The following SGCZ variants were observed in gnomAD, a reference collection of about 807,000 sequenced individuals.
SGCZ encodes the protein zeta-sarcoglycan.
Under a neutral mutation model 41.3 loss-of-function variants are expected in SGCZ, and 40 were observed. The ratio of observed to expected loss-of-function variants is 0.97; its 90% CI spans 0.75 to 1.26. The LOEUF (loss-of-function observed/expected upper bound fraction) is 1.26, where lower values mean the gene tolerates loss of function less well. Among genes scored for constraint, SGCZ ranks in the 50% most tolerant of loss-of-function variants. The probability of loss-of-function intolerance (pLI) is 0.00; values close to 1 mark genes in which losing one functional copy is unlikely to be tolerated. For synonymous variants in SGCZ, 206 were observed against 137.5 expected (o/e 1.50, Z -3.49); for missense variants, 552 against 369.8 (o/e 1.49, Z -4.04).
chr8:14,809,571 T>C (rs1801676524), intron 1 of SGCZ, among the ~76,000 whole-genome samples: 2 of 152,200 alleles, frequency 1.3e-5, no homozygotes, highest in Non-Finnish European at 2.9e-5. Context: ...CAATGGTTGC[T>C]ATCAAATTAT....
chr8:14,373,233 C>A (rs910406781), intron 2 of SGCZ, among the ~76,000 whole-genome samples: 2 of 152,118 alleles, frequency 1.3e-5, no homozygotes, highest in African/African-American at 2.4e-5. Flanking sequence ...TAGCAACTGG[C>A]AAAAGACCGT....
intron 1 of SGCZ, among the ~76,000 whole-genome samples, chr8:15,119,331 G>A (rs1217906070): frequency 6.6e-6 from 1 of 151,912 alleles, no homozygotes; most frequent in Non-Finnish European, 1.5e-5. Context: ...AGCAATTTGA[G>A]GCCATCCTAG....
intron 1 of SGCZ, among the ~76,000 whole-genome samples, chr8:14,795,207 C>A (rs2130482071): frequency 6.6e-6 from 1 of 152,164 alleles, no homozygotes; most frequent in Non-Finnish European, 1.5e-5. Flanking sequence ...TATATTTGTT[C>A]CTTAGACAAT....
At chr8:14,749,836 A>T (rs554727403) in intron 1 of SGCZ, among the ~76,000 whole-genome samples, 1 of 152,312 alleles carries the variant, frequency 6.6e-6, no homozygotes, top group South Asian at 2.1e-4. Flanking sequence ...AATTAACTAA[A>T]CACATTTTAT....
chr8:14,402,855 A>G (rs1799115458), intron 2 of SGCZ, among the ~76,000 whole-genome samples: 1 of 149,558 alleles, frequency 6.7e-6, no homozygotes, highest in Non-Finnish European at 1.5e-5. Context: ...TGGGGATGGC[A>G]TTGAATCTGT....
chr8:15,181,596 T>C (rs1028910833), intron 1 of SGCZ, among the ~76,000 whole-genome samples: 1 of 152,170 alleles, frequency 6.6e-6, no homozygotes, highest in Non-Finnish European at 1.5e-5. Flanking sequence ...AACCATTATG[T>C]TGAAATATCA....
chr8:14,687,248 G>A (rs950216434), intron 1 of SGCZ, among the ~76,000 whole-genome samples: 3 of 149,604 alleles, frequency 2.0e-5, no homozygotes, highest in Admixed American at 1.3e-4. Flanking sequence ...CAATGTGCAC[G>A]TTAGTTACAT....
At chr8:14,728,193 C>T (rs1416752174) in intron 1 of SGCZ, among the ~76,000 whole-genome samples, 1 of 152,026 alleles carries the variant, frequency 6.6e-6, no homozygotes, top group Non-Finnish European at 1.5e-5. Flanking sequence ...TCGAAGCAAA[C>T]ACTTGAAGTC....
At chr8:14,478,052 T>A (rs76342559) in intron 2 of SGCZ, among the ~76,000 whole-genome samples, 8,238 of 152,278 alleles carry the variant, frequency 0.054, 725 homozygotes, top group African/African-American at 0.19. Flanking sequence ...GAGCACCAAA[T>A]TCTGGTGAGG....
chr8:14,510,794 T>G (rs1247186194), intron 2 of SGCZ, among the ~76,000 whole-genome samples: 4 of 152,116 alleles, frequency 2.6e-5, no homozygotes, highest in African/African-American at 9.7e-5. Context: ...TCCTTTGAGT[T>G]ATAAGAGAGG....
At chr8:14,321,586 T>A (rs1563256005) in intron 3 of SGCZ, among the ~76,000 whole-genome samples, 1 of 152,104 alleles carries the variant, frequency 6.6e-6, no homozygotes, top group Non-Finnish European at 1.5e-5. Flanking sequence ...AGTGAAATAC[T>A]GGCTAAATTT....
chr8:14,808,087 G>A (rs1295863916), intron 1 of SGCZ, among the ~76,000 whole-genome samples: 2 of 151,980 alleles, frequency 1.3e-5, no homozygotes, highest in Non-Finnish European at 2.9e-5. Context: ...AATTCAAGAT[G>A]GATTAAAGAC....
intron 1 of SGCZ, among the ~76,000 whole-genome samples, chr8:14,840,942 C>T (rs1802884573): frequency 6.6e-6 from 1 of 151,982 alleles, no homozygotes; most frequent in East Asian, 1.9e-4. Context: ...CTTATTACAT[C>T]AAAGATGTCA....
intron 2 of SGCZ, among the ~76,000 whole-genome samples, chr8:14,429,826 C>A (rs1799892569): frequency 6.6e-6 from 1 of 151,686 alleles, no homozygotes; most frequent in Non-Finnish European, 1.5e-5. Flanking sequence ...ATTGCCATTT[C>A]AATCTTGCTG....
At chr8:14,326,124 A>AAAAAAAAAAAAG (rs1181303064) in intron 2 of SGCZ, among the ~76,000 whole-genome samples, 1 of 147,774 alleles carries the variant, frequency 6.8e-6, no homozygotes, top group African/African-American at 2.5e-5. Flanking sequence ...AAAAAAAAAA[A>AAAAAAAAAAAAG]AAAAAAGATG....
At chr8:15,033,142 C>G (rs547627421) in intron 1 of SGCZ, among the ~76,000 whole-genome samples, 1 of 150,190 alleles carries the variant, frequency 6.7e-6, no homozygotes, top group South Asian at 2.1e-4. Flanking sequence ...GGGTCCAGGC[C>G]CATCCCACTA....
intron 1 of SGCZ, among the ~76,000 whole-genome samples, chr8:14,754,624 C>T (rs1799600571): frequency 6.6e-6 from 1 of 152,154 alleles, no homozygotes; most frequent in African/African-American, 2.4e-5. Context: ...ATTTGAACTA[C>T]ATTTCTATAA....
At chr8:15,026,636 G>A (rs993169743) in intron 1 of SGCZ, among the ~76,000 whole-genome samples, 1 of 152,160 alleles carries the variant, frequency 6.6e-6, no homozygotes, top group African/African-American at 2.4e-5. Context: ...TTGCCAATCA[G>A]AGCTCAGCTT....
chr8:14,411,955 G>C (rs1386200001), intron 2 of SGCZ, among the ~76,000 whole-genome samples: 1 of 152,096 alleles, frequency 6.6e-6, no homozygotes, highest in Admixed American at 6.6e-5. Context: ...GAGGTAAACA[G>C]CTGGGAAGAG....
Sources: gnomAD v4.1 joint callset for allele counts (sites outside exome capture counted in the v4.1 genomes callset) on GRCh38, gnomAD v4.1.1 for gene constraint, MANE v1.5 for transcripts, NCBI Gene and HGNC (gene_info 2026-07-23, HGNC 2026-07-21) for gene names.